ASB10: variants seen among roughly 807,000 people sequenced by gnomAD.
The protein encoded by ASB10 is ankyrin repeat and SOCS box containing 10, also known as ankyrin repeat and SOCS box protein 10.
Under a neutral mutation model 35.4 loss-of-function variants are expected in ASB10, and 44 were observed. The observed-to-expected ratio is 1.24, with a 90% confidence interval of 0.98 to 1.60. The LOEUF is 1.60. Ranked by LOEUF, ASB10 falls within the 40% of genes most tolerant of loss-of-function variation. The pLI, the probability that ASB10 is intolerant of heterozygous loss-of-function variation, is 0.00. For missense variants in ASB10, 647 were observed against 634.3 expected, an observed-to-expected ratio of 1.02 and a Z score of -0.22; for synonymous variants, 294 against 280.4, an observed-to-expected ratio of 1.05 and a Z score of -0.49.
rs34867888 is a variant in ASB10, at chr7:151,181,614, CTT to C, written c.585-158_585-157del. ...ATTCTGCAAGATCAACAGTGCCCTT[CTT>C]TTTTTTTTTTTTTTGAGACTGAGTC... On this transcript the variant is annotated intron_variant, in intron 2 of 5. Coordinates refer to ENST00000420175, the MANE Select transcript of ASB10 (RefSeq NM_001142459.2). 5.5e-3 allele frequency among the ~76,000 whole-genome samples: 759 copies of C among 137,926 alleles called. 4 individuals are homozygous for C. The highest frequency in any genetic ancestry group is 0.018 in the African/African-American group (663 of 37,438). 90.5% of individuals were successfully genotyped at this position (137,926 alleles called of 152,430 possible). A position where few individuals can be genotyped will look rare whatever the true frequency, so the allele number is the denominator to read the frequency against.
Position 151,175,912 on chromosome 7 carries a change from G to A in ASB10, c.*55C>T, listed in dbSNP as rs188161385. The A allele has an allele frequency of 4.0e-4, 265 of 658,558 alleles. No individual in the cohort carries two copies. The African/African-American group carries it at 4.5e-3, about 11-fold the overall frequency. The allele number at this position is 658,558 out of a possible 1,614,324, so 40.8% of individuals were successfully genotyped here. On this transcript the variant is annotated 3_prime_UTR_variant, in exon 6 of 6. Transcript: ENST00000420175. ...CTGGCCTGAGTTAGTGCAGAGGCGCGCCCTCTGCAGGCTGGGGCATCTGCT... is the reference window on the plus strand; with the variant it reads ...CTGGCCTGAGTTAGTGCAGAGGCGCACCCTCTGCAGGCTGGGGCATCTGCT...
intron 3 of ASB10, among the ~76,000 whole-genome samples, chr7:151,180,006 T>G (rs1486938761): frequency 6.6e-6 from 1 of 152,192 alleles, no homozygotes; most frequent in Non-Finnish European, 1.5e-5. Flanking sequence ...TGCTTCTAGG[T>G]TTGTGAGCAA....
chr7:151,187,140 GA>G lies in ASB10; in HGVS notation c.-11del. 6.3e-7 allele frequency: 1 copy of G among 1,575,272 alleles called. No individual in the cohort carries two copies. On this transcript the variant is annotated 5_prime_UTR_variant, in exon 1 of 6. Transcript: ENST00000420175. This position sits in a 1 kb window ranked among gnomAD's most constrained non-coding sequence, Gnocchi z 5.3. Reference sequence around the variant, plus strand: ...ACCAACTCATGAGCATGTGGGCAGGGAAAGGGGAGTGGGGAGGAGGAGAGGT... The same window carrying G: ...ACCAACTCATGAGCATGTGGGCAGGGAAGGGGAGTGGGGAGGAGGAGAGGT...
intron 2 of ASB10, among the ~76,000 whole-genome samples, chr7:151,185,415 G>A (rs1292307488): frequency 6.6e-6 from 1 of 152,084 alleles, no homozygotes; most frequent in African/African-American, 2.4e-5. Context: ...CACCGTGCCC[G>A]GCCATTTGTC....
At chr7:151,176,035 T>C in intron 5 of ASB10, 69 bp from the exon 6 acceptor site, 1 of 1,526,238 alleles carries the variant, frequency 6.6e-7, no homozygotes. Context: ...GCTAGGGCCC[T>C]CCCCAACCCT....
At chr7:151,186,735 A>C in intron 1 of ASB10, 76 bp from the exon 2 acceptor site, 1 of 1,537,636 alleles carries the variant, frequency 6.5e-7, no homozygotes, top group Non-Finnish European at 8.8e-7. Context: ...AGGTGGGCAG[A>C]GGCAGGAAGA....
intron 3 of ASB10, among the ~76,000 whole-genome samples, chr7:151,177,079 A>G (rs931241793): frequency 2.0e-5 from 3 of 152,258 alleles, no homozygotes; most frequent in Admixed American, 6.5e-5. Context: ...AAGCTCCAGA[A>G]GGAGCCAGCC....
chr7:151,184,227 C>G (rs1372141398), intron 2 of ASB10, among the ~76,000 whole-genome samples: 1 of 151,894 alleles, frequency 6.6e-6, no homozygotes, highest in Non-Finnish European at 1.5e-5. Flanking sequence ...TCCTGGCTAA[C>G]ACGGTGAAAC....
intron 2 of ASB10, among the ~76,000 whole-genome samples, chr7:151,183,849 G>C (rs966753786): frequency 2.0e-5 from 3 of 152,076 alleles, no homozygotes; most frequent in African/African-American, 7.2e-5. Flanking sequence ...GCCTCCCAAA[G>C]TGCTGGGATT....
In ASB10 at chr7:151,186,940, G is replaced by C. The variant is rs568086497; in HGVS notation, c.191C>G (p.Ala64Gly). The C allele has an allele frequency of 6.2e-6, 10 of 1,613,704 alleles. No individual in the cohort carries two copies. In the South Asian group the frequency reaches 1.1e-4, roughly 18 times the overall value. ...PALAFWQAVLAGDVGCVSRIL... is the reference protein window; with the variant it reads ...PALAFWQAVLGGDVGCVSRIL... ...GCGGGAGACACAGCCCACGTCCCCA[G>C]CCAGCACTGCCTGCCAGAAGGCAAG... The change falls in exon 1 of 6, where the codon GCT becomes GGT. Residue 64 changes from alanine (A) to glycine (G), a missense_variant. Ala to Gly is a moderately conservative substitution (Grantham distance 60, BLOSUM62 0). Coordinates refer to ENST00000420175, the MANE Select transcript of ASB10 (RefSeq NM_001142459.2).
In ASB10 at chr7:151,180,998, C is replaced by T. The variant is rs146691557; in HGVS notation, c.1045G>A (p.Val349Met). ...AAALAQSPEH[V>M]VRALLNHGAV... Reference sequence around the variant, plus strand: ...CCATGGTTGAGCAGAGCCCGAACCACGTGCTCGGGGCTCTGGGCCAGGGCT... The same window carrying T: ...CCATGGTTGAGCAGAGCCCGAACCATGTGCTCGGGGCTCTGGGCCAGGGCT... The change falls in exon 3 of 6, where the codon GTG (valine) becomes ATG (methionine). Residue 349 changes from valine to methionine, a missense_variant. By Grantham distance (21) the Val-to-Met change is conservative. Coordinates refer to ENST00000420175, the MANE Select transcript of ASB10 (RefSeq NM_001142459.2). The T allele has an allele frequency of 8.8e-6, 14 of 1,597,430 alleles. No individual in the cohort carries two copies. Among genetic ancestry groups the T allele is most frequent in the South Asian group, 3.3e-5 (3 of 90,578 alleles).
Position 151,181,051 on chromosome 7 carries a change from A to G in ASB10, c.992T>C (p.Leu331Pro), listed in dbSNP as rs973919475. Residue 331 changes from leucine (L) to proline (P), a missense_variant, in exon 3 of 6, where the codon CTG becomes CCG. Coordinates refer to ENST00000420175, the MANE Select transcript of ASB10 (RefSeq NM_001142459.2). ...NTMDYGGHTP[L>P]HCALQGPAAA... is the part of the protein sequence containing the mutation. ...AGCTGGGCCCTGCAGAGCACAGTGC[A>G]GGGGCGTGTGTCCCCCATAGTCCAT... 1 of 1,612,268 alleles carries G rather than the reference A, an allele frequency of 6.2e-7. No individual in the cohort carries two copies. Among genetic ancestry groups the G allele is most frequent in the African/African-American group, 1.3e-5 (1 of 74,916 alleles).
At position 151,176,630 on chromosome 7, in the gene ASB10, A is replaced by C. The variant is rs1484776042; in HGVS notation, c.1151T>G (p.Met384Arg). Residue 384 changes from methionine (M) to arginine (R), a missense_variant, in exon 4 of 6, where the codon ATG becomes AGG. Coordinates refer to ENST00000420175, the MANE Select transcript of ASB10 (RefSeq NM_001142459.2). ...AAGCTGCACAACACTGTAGGTGTTC[A>C]TCAGGACCTCGATGGTCCGAGGGCA... ...STCPRTIEVL[M>R]NTYSVVQLPE... 1.3e-6 allele frequency: 2 copies of C among 1,551,494 alleles called. No homozygotes were observed. Among genetic ancestry groups the C allele is most frequent in the Non-Finnish European group, 1.7e-6 (2 of 1,146,968 alleles).
In ASB10 at chr7:151,181,215, C is replaced by T. The variant is rs1801483126; in HGVS notation, c.828G>A (p.Leu276=). Reference sequence around the variant, plus strand: ...CTCCAGCTGAAAGCAGCAAGCTGCACAGCTGCAGGCAGCGGGCGGTGGTGG... The same window carrying T: ...CTCCAGCTGAAAGCAGCAAGCTGCATAGCTGCAGGCAGCGGGCGGTGGTGG... ...AEATTARCLQ[L]CSLLLSAGAD... The change falls in exon 3 of 6, where the codon CTG becomes CTA. Residue 276 remains leucine (L), a synonymous_variant. Transcript: ENST00000420175. 1 of 1,612,904 alleles carries T rather than the reference C, an allele frequency of 6.2e-7. No individual in the cohort carries two copies. Among genetic ancestry groups the T allele is most frequent in the Non-Finnish European group, 8.5e-7 (1 of 1,179,886 alleles).
At chr7:151,178,822 C>T (rs1801435515) in intron 3 of ASB10, among the ~76,000 whole-genome samples, 1 of 152,160 alleles carries the variant, frequency 6.6e-6, no homozygotes, top group African/African-American at 2.4e-5. Flanking sequence ...CTCTTTTCCT[C>T]ACTCCTCCTC....
rs1801597408 is a variant in ASB10, at chr7:151,186,549, C to T, written c.427G>A (p.Asp143Asn). Residue 143 changes from aspartate (D) to asparagine (N), a missense_variant, in exon 2 of 6, where the codon GAC (aspartate) becomes AAC (asparagine). Transcript: ENST00000420175. ...GCGGTGCGGCCCCCAGGGGCACTGT[C>T]TGGCCTTGCTCGCCGCCTCAGCAGC... ...RLLLRRRARP[D>N]SAPGGRTALH... 1 of 1,604,194 alleles carries T rather than the reference C, an allele frequency of 6.2e-7. No individual in the cohort carries two copies. Among genetic ancestry groups the T allele is most frequent in the Non-Finnish European group, 8.5e-7 (1 of 1,176,146 alleles).
chr7:151,187,060 C>T lies in ASB10; in HGVS notation c.71G>A (p.Cys24Tyr). The T allele has an allele frequency of 1.2e-6, 2 of 1,609,876 alleles. No homozygotes were observed. The highest frequency in any genetic ancestry group is 1.1e-5 in the South Asian group (1 of 90,044). Residue 24 changes from cysteine (C) to tyrosine (Y), a missense_variant, in exon 1 of 6, where the codon TGT becomes TAT. By Grantham distance (194) the Cys-to-Tyr change is radical. Coordinates refer to ENST00000420175, the MANE Select transcript of ASB10 (RefSeq NM_001142459.2). The surrounding 1 kb of genome is among the most constrained non-coding windows in gnomAD (Gnocchi z 5.3). Reference sequence around the variant, plus strand: ...GCTGGGCTTCTCCACCAGCCTGGCACAGAGGGGGTGTCTGTCATCGAGGGG... The same window carrying T: ...GCTGGGCTTCTCCACCAGCCTGGCATAGAGGGGGTGTCTGTCATCGAGGGG... ...GEPLDDRHPL[C>Y]ARLVEKPSRG...
At chr7:151,182,919 T>C (rs1224298025) in intron 2 of ASB10, among the ~76,000 whole-genome samples, 1 of 152,132 alleles carries the variant, frequency 6.6e-6, no homozygotes, top group East Asian at 1.9e-4. Flanking sequence ...TCTTTAAAAG[T>C]CTCCATAATA....
intron 3 of ASB10, among the ~76,000 whole-genome samples, chr7:151,178,894 G>A (rs767412938): frequency 9.9e-5 from 15 of 152,112 alleles, no homozygotes; most frequent in South Asian, 2.1e-4. Flanking sequence ...CCTCAGGCCC[G>A]TCTCTGTCCT....
Sources: gnomAD v4.1 joint callset for allele counts (sites outside exome capture counted in the v4.1 genomes callset) on GRCh38, gnomAD v4.1.1 for gene constraint, Gnocchi (gnomAD v3.1) non-coding constraint, MANE v1.5 for transcripts, NCBI Gene and HGNC (gene_info 2026-07-23, HGNC 2026-07-21) for gene names.